The following PIDD1 variants were observed in gnomAD, a reference collection of about 807,000 sequenced individuals.
PIDD1 encodes the protein p53-induced death domain-containing protein 1.
Under a neutral mutation model 80.0 loss-of-function variants are expected in PIDD1, and 72 were observed. The observed-to-expected ratio is 0.90, with a 90% CI of 0.74 to 1.09. The LOEUF (loss-of-function observed/expected upper bound fraction) is 1.09, where lower values mean the gene tolerates loss of function less well. Among genes scored for constraint, PIDD1 ranks in the 50% least tolerant of loss-of-function variants. PIDD1 has a pLI of 0.00. For missense variants in PIDD1, 1,329 were observed against 1,228.3 expected, an observed-to-expected ratio of 1.08 and a Z score of -1.23; for synonymous variants, 655 against 543.5, an observed-to-expected ratio of 1.21 and a Z score of -2.85.
In PIDD1 at chr11:803,249, C is replaced by T. The variant is rs1865525946; in HGVS notation, c.634G>A (p.Glu212Lys). Residue 212 changes from glutamate (E) to lysine (K), a missense_variant, in exon 3 of 16, where the codon GAG becomes AAG. By Grantham distance (56) the Glu-to-Lys change is moderately conservative. Transcript: ENST00000347755. ...SQNLLDTLPP[E>K]IGGLGSLLEL... ...AGGAGGCTGCCCAGGCCTCCAATCT[C>T]AGGAGGTAGCGTGTCCAGCAGATTC... 6.2e-7 allele frequency: 1 copy of T among 1,613,058 alleles called. No individual in the cohort carries two copies. Among genetic ancestry groups the T allele is most frequent in the Admixed American group, 1.7e-5 (1 of 60,000 alleles).
Position 799,245 on chromosome 11 carries a change from G to C in PIDD1, c.*62C>G. ...CCGTCCCCACACACTGGAGAGACTT[G>C]AAGGTGGGGGCTCTGCCCATCCACT... On this transcript the variant is annotated 3_prime_UTR_variant, in exon 16 of 16. Transcript: ENST00000347755. The C allele has an allele frequency of 6.8e-7, 1 of 1,475,856 alleles. No homozygotes were observed. Among genetic ancestry groups the C allele is most frequent in the Non-Finnish European group, 9.0e-7 (1 of 1,105,740 alleles). 91.4% of individuals were successfully genotyped at this position (1,475,856 alleles called of 1,614,324 possible).
upstream of PIDD1, among the ~76,000 whole-genome samples, chr11:806,586 T>C (rs377553534): frequency 1.6e-4 from 24 of 151,842 alleles, no homozygotes; most frequent in African/African-American, 4.8e-4. Context: ...AGGGATCTTT[T>C]TTTTTTTTTT....
chr11:808,548 AT>A (rs57894286), upstream of PIDD1, among the ~76,000 whole-genome samples: 4,028 of 152,252 alleles, frequency 0.026, 185 homozygotes, highest in African/African-American at 0.091. Context: ...CTACCAAAAA[AT>A]TTTAGCCGGG....
Position 803,165 on chromosome 11 carries a change from G to A in PIDD1, c.709+9C>T. 3 of 1,582,010 alleles carry A rather than the reference G, an allele frequency of 1.9e-6. No homozygotes were observed. The highest frequency in any genetic ancestry group is 1.7e-6 in the Non-Finnish European group (2 of 1,161,324). ...GGGGCCAGTGTGTCGGGGCGCAGGG[G>A]CTACTCACCCAGAGAGGCTGGGAGG... On this transcript the variant is annotated intron_variant, in intron 3 of 15. Transcript: ENST00000347755.
intron 3 of PIDD1, 91 bp from the exon 4 acceptor site, chr11:802,982 A>G (rs1865500989): frequency 8.6e-7 from 1 of 1,162,370 alleles, no homozygotes; most frequent in Non-Finnish European, 1.2e-6. Flanking sequence ...GCTGTTTCAG[A>G]CTCTCCTCCA....
chr11:806,293 C>A (rs1040744849), upstream of PIDD1, among the ~76,000 whole-genome samples: 1 of 151,302 alleles, frequency 6.6e-6, no homozygotes, highest in Non-Finnish European at 1.5e-5. Flanking sequence ...ACCAGCTATG[C>A]CTGCTTCTTT....
Position 804,232 on chromosome 11 carries a change from G to C in PIDD1, c.157C>G (p.Leu53Val), listed in dbSNP as rs769485675. 2 of 1,612,966 alleles carry C rather than the reference G, an allele frequency of 1.2e-6. No homozygotes were observed. Among genetic ancestry groups the C allele is most frequent in the Non-Finnish European group, 1.7e-6 (2 of 1,179,896 alleles). ...YPGGCQQLLH[L>V]CVQQPLQLLQ... ...AGCTGCAGAGGCTGCTGGACACACA[G>C]GTGCAGCAGCTGCTGGCAGCCCCCG... is the stretch of plus-strand genomic sequence containing the variant. Residue 53 changes from leucine to valine, a missense_variant, in exon 2 of 16, where the codon CTG becomes GTG. Coordinates refer to ENST00000347755, the MANE Select transcript of PIDD1 (RefSeq NM_145886.4).
rs767807556 is a variant in PIDD1, at chr11:800,378, G to T, written c.2115C>A (p.Tyr705Ter). 1.2e-6 allele frequency: 2 copies of T among 1,612,804 alleles called. No homozygotes were observed. The highest frequency in any genetic ancestry group is 1.7e-6 in the Non-Finnish European group (2 of 1,180,002). Reference sequence around the variant, plus strand: ...CCTCCCGGTCCAGAGTGGTGGTCACGTATACCTCCTTCACATTCTTCAGGT... The same window carrying T: ...CCTCCCGGTCCAGAGTGGTGGTCACTTATACCTCCTTCACATTCTTCAGGT... ...YSHLKNVKEVYVTTTLDREAQ... is the reference protein window; with the variant it reads ...YSHLKNVKEV The change falls in exon 13 of 16, where the codon TAC (tyrosine) becomes TAA (stop). Residue 705 changes from tyrosine (Y) to a stop codon, truncating the protein, a stop_gained. Transcript: ENST00000347755. LOFTEE classifies it high-confidence loss of function.
rs770793611 is a variant in PIDD1 at position 802,817 on chromosome 11, G to C, written c.784C>G (p.Leu262Val). Residue 262 changes from leucine (L) to valine (V), a missense_variant, in exon 4 of 16, where the codon CTT becomes GTT. Leu to Val is a conservative substitution (Grantham distance 32, BLOSUM62 1). Transcript: ENST00000347755. Reference protein sequence around the residue: ...LASVPADLARLPLLTRLDLRD... With the variant: ...LASVPADLARVPLLTRLDLRD... ...AGGTCGAGCCGGGTGAGGAGTGGAA[G>C]GCGGGCCAAGTCAGCTGGCACAGAG... 2 of 1,601,326 alleles carry C rather than the reference G, an allele frequency of 1.2e-6. No homozygotes were observed. The highest frequency in any genetic ancestry group is 2.7e-5 in the African/African-American group (2 of 74,914).
chr11:800,833 C>G lies in PIDD1; in HGVS notation c.1846G>C (p.Val616Leu), dbSNP rs1865236591. 1 of 1,566,236 alleles carries G rather than the reference C, an allele frequency of 6.4e-7. No homozygotes were observed. The highest frequency in any genetic ancestry group is 8.7e-7 in the Non-Finnish European group (1 of 1,156,002). ...KAWERLRLHR[V>L]NLIALQRRRD... Reference sequence around the variant, plus strand: ...CGCCGCTGCAGAGCGATGAGGTTCACACGGTGCAGCCGCAGCCGCTCCCAG... The same window carrying G: ...CGCCGCTGCAGAGCGATGAGGTTCAGACGGTGCAGCCGCAGCCGCTCCCAG... The change falls in exon 11 of 16, where the codon GTG becomes CTG. Residue 616 changes from valine (V) to leucine (L), a missense_variant. Val to Leu is a conservative substitution (Grantham distance 32). Coordinates refer to ENST00000347755, the MANE Select transcript of PIDD1 (RefSeq NM_145886.4).
rs749253738 is a variant in PIDD1, at chr11:799,408, G to A, written c.2632C>T (p.Arg878Cys). 12 of 1,611,618 alleles carry A rather than the reference G, an allele frequency of 7.4e-6. No homozygotes were observed. Among genetic ancestry groups the A allele is most frequent in the East Asian group, 2.2e-5 (1 of 44,884 alleles). ...CGTCGGATGCTGTCCTGGTACTTGCGGCGGCCGAGCTCCAAGACTGCGCGC... is the reference window on the plus strand; with the variant it reads ...CGTCGGATGCTGTCCTGGTACTTGCAGCGGCCGAGCTCCAAGACTGCGCGC... ...EVRAVLELGR[R>C]KYQDSIRRMG... Residue 878 changes from arginine (R) to cysteine (C), a missense_variant, in exon 16 of 16, where the codon CGC becomes TGC. Coordinates refer to ENST00000347755, the MANE Select transcript of PIDD1 (RefSeq NM_145886.4).
rs1865408134 is a variant in PIDD1 at position 802,188 on chromosome 11, T to A, written c.1176+7A>T. The A allele has an allele frequency of 6.3e-7, 1 of 1,597,756 alleles. No homozygotes were observed. The highest frequency in any genetic ancestry group is 8.5e-7 in the Non-Finnish European group (1 of 1,173,198). On this transcript the variant is annotated splice_region_variant and intron_variant, in intron 6 of 15. Transcript: ENST00000347755. ...CACACACTGCCCCCGCCACGCCCTG[T>A]CCATGCCTGCTGGAAGGCCACCCCA...
At position 804,585 on chromosome 11, in the gene PIDD1, G is replaced by A. The variant is rs536214635; in HGVS notation, c.-75-122C>T. 3.7e-5 allele frequency: 38 copies of A among 1,018,480 alleles called. No homozygotes were observed. The African/African-American group carries it at 5.2e-4, about 14-fold the overall frequency. 63.1% of individuals were successfully genotyped at this position (1,018,480 alleles called of 1,614,324 possible). A position where few individuals can be genotyped will look rare whatever the true frequency, so the allele number is the denominator to read the frequency against. ...GCCATCTGGGCCTGGGCTGCAGAGT[G>A]GGGGAGACCTTGTGGTCACCCTGAA... On this transcript the variant is annotated intron_variant, in intron 1 of 15. Coordinates refer to ENST00000347755, the MANE Select transcript of PIDD1 (RefSeq NM_145886.4).
Position 803,568 on chromosome 11 carries a change from T to C in PIDD1, c.315A>G (p.Thr105=). Residue 105 remains threonine, a synonymous_variant, in exon 3 of 16, where the codon ACA becomes ACG. Transcript: ENST00000347755. ...GGGCACCCCGGAGACAGGCACCCAG[T>C]GTGTCCCGGCGTTGCCCTCCTGGGA... is the stretch of plus-strand genomic sequence containing the variant. ...LVLKGGQRRD[T]LGACLRGALT... is the part of the protein sequence containing the mutation. 3 of 1,610,844 alleles carry C rather than the reference T, an allele frequency of 1.9e-6. No homozygotes were observed.
rs1865175622 is a variant in PIDD1 at position 800,438 on chromosome 11, ACAGT to A, written c.2051_2054del (p.Asp684ValfsTer14). ...AGACAAAGCAGATTCTGCCCTCCACACAGTCAGGGCGGTCTAGGGGACAGGGGTG... is the reference window on the plus strand; with the variant it reads ...AGACAAAGCAGATTCTGCCCTCCACACAGGGCGGTCTAGGGGACAGGGGTG... On this transcript the variant is annotated frameshift_variant, in exon 13 of 16. Transcript: ENST00000347755. LOFTEE classifies it high-confidence loss of function. 1.4e-6 allele frequency: 2 copies of A among 1,476,522 alleles called. No individual in the cohort carries two copies. The highest frequency in any genetic ancestry group is 9.3e-7 in the Non-Finnish European group (1 of 1,070,382). The allele number at this position is 1,476,522 out of a possible 1,614,324, so 91.5% of individuals were successfully genotyped here. A position where few individuals can be genotyped will look rare whatever the true frequency, so the allele number is the denominator to read the frequency against.
rs1464946559 is a variant in PIDD1, at chr11:801,201, C to T, written c.1630+17G>A. 2 of 1,545,852 alleles carry T rather than the reference C, an allele frequency of 1.3e-6. No homozygotes were observed. Among genetic ancestry groups the T allele is most frequent in the Non-Finnish European group, 1.7e-6 (2 of 1,143,486 alleles). ...CTATGGCCACAGGTCCAGGTATGCC[C>T]CATGGCTGCCTCTCACCTGTGATGC... is the stretch of plus-strand genomic sequence containing the variant. On this transcript the variant is annotated intron_variant, in intron 9 of 15. Coordinates refer to ENST00000347755, the MANE Select transcript of PIDD1 (RefSeq NM_145886.4).
upstream of PIDD1, among the ~76,000 whole-genome samples, chr11:807,373 G>A (rs1865833433): frequency 6.6e-6 from 1 of 151,776 alleles, no homozygotes; most frequent in Non-Finnish European, 1.5e-5. Context: ...CAGCTACTCG[G>A]GAGGCTGAGG....
upstream of PIDD1, among the ~76,000 whole-genome samples, chr11:807,766 G>C (rs1165619462): frequency 6.6e-6 from 1 of 152,120 alleles, no homozygotes; most frequent in Admixed American, 6.5e-5. Flanking sequence ...GGCAGAGCAA[G>C]ACTCAGTCTC....
At position 801,105 on chromosome 11, in the gene PIDD1, C is replaced by T. The variant is rs138401853; in HGVS notation, c.1646G>A (p.Arg549His). Residue 549 changes from arginine (R) to histidine (H), a missense_variant, in exon 10 of 16, where the codon CGC becomes CAC. By Grantham distance (29) the Arg-to-His change is conservative. Coordinates refer to ENST00000347755, the MANE Select transcript of PIDD1 (RefSeq NM_145886.4). The part of the protein sequence containing the change: ...PSGITGLSLD[R>H]SRLHLLYWAP... ...CCAGTACAACAGGTGCAGGCGGGAG[C>T]GGTCCAGACTGAGGCCTGGGGATGG... The T allele has an allele frequency of 1.8e-4, 275 of 1,565,086 alleles. 1 individual carries two copies. In the African/African-American group the frequency reaches 3.1e-3, roughly 18 times the overall value.
Sources: gnomAD v4.1 joint callset for allele counts (sites outside exome capture counted in the v4.1 genomes callset) on GRCh38, gnomAD v4.1.1 for gene constraint, MANE v1.5 for transcripts, NCBI Gene and HGNC (gene_info 2026-07-23, HGNC 2026-07-21) for gene names.